Variants in ASTN2 observed in about 807,000 individuals in gnomAD.
ASTN2 encodes astrotactin-2.
ASTN2 carries 54 observed loss-of-function variants against 139.8 expected under a neutral mutation model. That is an observed-to-expected ratio of 0.39 (90% CI 0.31 to 0.48). ASTN2 has a LOEUF of 0.48. Ranked by LOEUF, ASTN2 falls within the 20% of genes least tolerant of loss-of-function variation. The pLI, the probability that ASTN2 is intolerant of heterozygous loss-of-function variation, is 0.95. For synonymous variants in ASTN2, 756 were observed against 719.5 expected (o/e 1.05, Z -0.81); for missense variants, 1,565 against 1,725.1 (o/e 0.91, Z 1.64).
At chr9:117,313,741 A>G (rs1376831709) in intron 1 of ASTN2, among the ~76,000 whole-genome samples, 1 of 152,176 alleles carries the variant, frequency 6.6e-6, no homozygotes, top group African/African-American at 2.4e-5. Flanking sequence ...GGTAAGACAC[A>G]GAGTTTTCAT....
At chr9:116,855,224 A>G (rs1485783365) in intron 11 of ASTN2, among the ~76,000 whole-genome samples, 4 of 152,124 alleles carry the variant, frequency 2.6e-5, no homozygotes, top group Admixed American at 2.6e-4. Flanking sequence ...GCCACACACA[A>G]TAATCTTGGA....
chr9:116,760,894 C>A (rs1444777413), intron 13 of ASTN2, among the ~76,000 whole-genome samples: 5 of 152,146 alleles, frequency 3.3e-5, no homozygotes, highest in Admixed American at 6.5e-5. Context: ...TGTAGGAACA[C>A]CAAACCTACT....
In ASTN2 at chr9:116,790,929, T is replaced by TGAAA. The variant is rs758357999; in HGVS notation, c.2396+14699_2396+14702dup. On this transcript the variant is annotated intron_variant, in intron 13 of 22. Transcript: ENST00000313400. ...AAAGAAAGAGAAAGAAAGGAAGGAA[T>TGAAA]GAAAGAAAGAAAGAAAGAAAGAAAG... 9.2e-3 allele frequency among the ~76,000 whole-genome samples: 840 copies of TGAAA among 91,622 alleles called. 45 individuals carry two copies. Among genetic ancestry groups the TGAAA allele is most frequent in the African/African-American group, 0.028 (649 of 23,572 alleles). 60.1% of individuals were successfully genotyped at this position (91,622 alleles called of 152,430 possible).
chr9:116,687,529 T>G, intron 16 of ASTN2: 1 of 10,304 alleles, frequency 9.7e-5, no homozygotes, highest in African/African-American at 3.8e-4. Context: ...GGGGCAGGAC[T>G]AGGGTGGGGG....
intron 19 of ASTN2, chr9:116,612,822 G>C (rs953154903): frequency 6.7e-5 from 10 of 149,470 alleles, no homozygotes; most frequent in African/African-American, 2.2e-4. Context: ...AGAGAAGCAA[G>C]AGCAAACACA....
intron 16 of ASTN2, among the ~76,000 whole-genome samples, chr9:116,695,593 T>C (rs1352641052): frequency 6.6e-6 from 1 of 152,208 alleles, no homozygotes; most frequent in East Asian, 1.9e-4. Flanking sequence ...CAAACGAACT[T>C]GCCCTCCACT....
At chr9:116,694,389 A>G (rs907616743) in intron 16 of ASTN2, among the ~76,000 whole-genome samples, 1 of 151,654 alleles carries the variant, frequency 6.6e-6, no homozygotes, top group Non-Finnish European at 1.5e-5. Context: ...GTCCCAGATG[A>G]TAGAAGAGAG....
intron 3 of ASTN2, among the ~76,000 whole-genome samples, chr9:117,206,179 A>G (rs1262660314): frequency 1.3e-5 from 2 of 152,202 alleles, no homozygotes; most frequent in African/African-American, 2.4e-5. Flanking sequence ...AATGCAGCAG[A>G]AGAGTGGAGA....
At chr9:116,642,328 A>G (rs1013332119) in intron 17 of ASTN2, among the ~76,000 whole-genome samples, 1 of 151,820 alleles carries the variant, frequency 6.6e-6, no homozygotes, top group Non-Finnish European at 1.5e-5. Flanking sequence ...TTAATATACT[A>G]TATTATTTAC....
chr9:116,478,542 G>C (rs1202999014), intron 20 of ASTN2, among the ~76,000 whole-genome samples: 1 of 152,104 alleles, frequency 6.6e-6, no homozygotes, highest in African/African-American at 2.4e-5. Flanking sequence ...CTAGGATGTG[G>C]CCTGACAGGC....
chr9:117,290,075 G>A (rs540442997), intron 2 of ASTN2, among the ~76,000 whole-genome samples: 25 of 152,308 alleles, frequency 1.6e-4, no homozygotes, highest in African/African-American at 6.0e-4. Context: ...TTAAATTGAA[G>A]GAAGCAATGA....
chr9:117,164,550 C>T (rs1401372752), intron 3 of ASTN2, among the ~76,000 whole-genome samples: 2 of 152,030 alleles, frequency 1.3e-5, no homozygotes, highest in Non-Finnish European at 2.9e-5. Context: ...TCCTTAAACC[C>T]CTGCCCCCCA....
chr9:117,062,963 C>T (rs1309049690), intron 5 of ASTN2, among the ~76,000 whole-genome samples: 1 of 152,136 alleles, frequency 6.6e-6, no homozygotes, highest in Non-Finnish European at 1.5e-5. Context: ...TTACTGTTGC[C>T]ATACCTCCAC....
intron 20 of ASTN2, among the ~76,000 whole-genome samples, chr9:116,471,031 T>C (rs2119008346): frequency 6.6e-6 from 1 of 152,326 alleles, no homozygotes; most frequent in African/African-American, 2.4e-5. Flanking sequence ...CTCCTTTTTC[T>C]TTTTTAAAAT....
chr9:117,024,420 A>T (rs1421042088), intron 6 of ASTN2, among the ~76,000 whole-genome samples: 1 of 149,732 alleles, frequency 6.7e-6, no homozygotes, highest in African/African-American at 2.5e-5. Flanking sequence ...TTTTTTAAAA[A>T]GTTATTGTTA....
intron 20 of ASTN2, among the ~76,000 whole-genome samples, chr9:116,468,741 T>G (rs1205831070): frequency 6.6e-6 from 1 of 152,210 alleles, no homozygotes; most frequent in Non-Finnish European, 1.5e-5. Flanking sequence ...CTCTCTTTAC[T>G]TTCAAGATAA....
chr9:116,428,256 C>T (rs1404479146), intron 22 of ASTN2, among the ~76,000 whole-genome samples: 2 of 152,146 alleles, frequency 1.3e-5, no homozygotes, highest in East Asian at 1.9e-4. Flanking sequence ...CCGGGCACGG[C>T]GGCTCATGCC....
chr9:117,247,111 C>T (rs548497685), intron 2 of ASTN2, among the ~76,000 whole-genome samples: 1 of 152,066 alleles, frequency 6.6e-6, no homozygotes, highest in Non-Finnish European at 1.5e-5. Flanking sequence ...GGAGTCTATC[C>T]AGAATTTTGT....
intron 7 of ASTN2, among the ~76,000 whole-genome samples, chr9:117,003,953 C>CGCGTGTGTGTGTGTGTGTGTGTGTGTGT (rs1218309835): frequency 6.8e-6 from 1 of 146,226 alleles, no homozygotes; most frequent in African/African-American, 2.6e-5. Context: ...CGCGCGCGCG[C>CGCGTGTGTGTGTGTGTGTGTGTGTGTGT]GTGTGTGTGT....
Sources: allele counts gnomAD v4.1 joint callset (sites outside exome capture counted in the v4.1 genomes callset), GRCh38; gene constraint gnomAD v4.1.1; transcripts MANE v1.5; gene names NCBI Gene and HGNC (gene_info 2026-07-23, HGNC 2026-07-21).